Variants in SRGAP3 observed in about 807,000 individuals in gnomAD.
SRGAP3 encodes SLIT-ROBO Rho GTPase-activating protein 3.
Under a neutral mutation model 121.1 loss-of-function variants are expected in SRGAP3, and 39 were observed. The ratio of observed to expected loss-of-function variants is 0.32; its 90% CI spans 0.25 to 0.42. The LOEUF (loss-of-function observed/expected upper bound fraction) is 0.42. Among genes scored for constraint, SRGAP3 ranks in the 10% least tolerant of loss-of-function variants. SRGAP3 has a pLI of 1.00. For synonymous variants in SRGAP3, 601 were observed against 570.0 expected (o/e 1.05, Z -0.77); for missense variants, 1,213 against 1,470.6 (o/e 0.82, Z 2.86).
chr3:9,317,333 C>T (rs1432852445), intron 3 of SRGAP3, among the ~76,000 whole-genome samples: 5 of 152,200 alleles, frequency 3.3e-5, no homozygotes, highest in African/African-American at 4.8e-5. Flanking sequence ...GCTACAAAAT[C>T]GTTCCCTGTG....
Position 9,271,445 on chromosome 3 carries a change from C to G in SRGAP3, n.442+54565G>C, listed in dbSNP as rs556388951. 7.9e-5 allele frequency among the ~76,000 whole-genome samples: 12 copies of G among 152,358 alleles called. No homozygotes were observed. The East Asian group carries it at 1.5e-3, about 20-fold the overall frequency. On this transcript the variant is annotated intron_variant and non_coding_transcript_variant, in intron 3 of 3. Transcript: ENST00000490889. ...CTCACCCCAGATCATTCTCCCTCCC[C>G]AGGACAGCCTATGTCCGAGACCATG...
At chr3:9,108,703 G>C (rs1022545297) in intron 2 of SRGAP3, among the ~76,000 whole-genome samples, 4 of 152,160 alleles carry the variant, frequency 2.6e-5, no homozygotes, top group South Asian at 4.2e-4. Flanking sequence ...CATGTGTTTT[G>C]GCATGATCAT....
chr3:9,260,875 C>A (rs531461946), intron 3 of SRGAP3, among the ~76,000 whole-genome samples: 1 of 152,200 alleles, frequency 6.6e-6, no homozygotes, highest in Non-Finnish European at 1.5e-5. Context: ...CATCCTCAAG[C>A]GGATCCCTGA....
Position 9,263,470 on chromosome 3 carries a change from G to C in SRGAP3, n.442+62540C>G, listed in dbSNP as rs563367513. Among the ~76,000 whole-genome samples the C allele has an allele frequency of 1.4e-4, 21 of 152,172 alleles. No individual in the cohort carries two copies. In the South Asian group the frequency reaches 3.9e-3, roughly 29 times the overall value. ...AAAAAATTAACAAAATAGATAGACT[G>C]CTAGCCAGGCTAATAAACAAGAAAA... On this transcript the variant is annotated intron_variant and non_coding_transcript_variant, in intron 3 of 3. Coordinates refer to the SRGAP3 transcript ENST00000490889.
intron 1 of SRGAP3, among the ~76,000 whole-genome samples, chr3:9,170,147 T>C (rs1301666978): frequency 6.6e-6 from 1 of 152,164 alleles, no homozygotes; most frequent in Non-Finnish European, 1.5e-5. Flanking sequence ...GTTTAGACAG[T>C]GCTGGTGTGT....
At chr3:9,154,659 G>A (rs995498887) in intron 1 of SRGAP3, among the ~76,000 whole-genome samples, 14 of 152,206 alleles carry the variant, frequency 9.2e-5, no homozygotes, top group African/African-American at 2.7e-4. Flanking sequence ...TGCGGGCTGA[G>A]CGGCCAACTG....
At chr3:9,174,547 C>T (rs567205845) in intron 1 of SRGAP3, among the ~76,000 whole-genome samples, 8 of 152,268 alleles carry the variant, frequency 5.3e-5, no homozygotes, top group Admixed American at 6.5e-5. Flanking sequence ...TAGTAAGCAC[C>T]GACTTCATGG....
At chr3:9,306,114 G>A (rs1053402348) in intron 3 of SRGAP3, among the ~76,000 whole-genome samples, 40 of 152,292 alleles carry the variant, frequency 2.6e-4, no homozygotes, top group Non-Finnish European at 2.6e-4. Context: ...TCCAAATGGC[G>A]TGAGATGGCA....
chr3:9,317,087 C>G (rs1313288837), intron 3 of SRGAP3, among the ~76,000 whole-genome samples: 2 of 152,020 alleles, frequency 1.3e-5, no homozygotes, highest in African/African-American at 2.4e-5. Context: ...TGAAAGCAGT[C>G]GAGGAAAAAG....
upstream of SRGAP3, among the ~76,000 whole-genome samples, chr3:9,252,299 CTT>C (rs967230855): frequency 6.6e-6 from 1 of 150,652 alleles, no homozygotes; most frequent in African/African-American, 2.4e-5. Flanking sequence ...CCAAATAAAA[CTT>C]TTTTTTTTCT....
intron 11 of SRGAP3, among the ~76,000 whole-genome samples, chr3:9,033,069 C>T (rs541868424): frequency 6.6e-6 from 1 of 152,240 alleles, no homozygotes; most frequent in East Asian, 1.9e-4. Flanking sequence ...CAAAGCTGAC[C>T]AGATGGAGGG....
At chr3:9,087,025 C>T (rs2670010) in intron 3 of SRGAP3, among the ~76,000 whole-genome samples, 62,230 of 150,614 alleles carry the variant, frequency 0.41, 13,018 homozygotes, top group Non-Finnish European at 0.45. Context: ...TATACATATA[C>T]GTATATTATG....
chr3:9,202,578 A>G (rs1221729913), intron 1 of SRGAP3, among the ~76,000 whole-genome samples: 4 of 152,352 alleles, frequency 2.6e-5, no homozygotes, highest in Middle Eastern at 3.4e-3. Flanking sequence ...CTGCCAAGGC[A>G]CAGACCTCCA....
chr3:9,333,977 A>C (rs1647703944), intron 1 of SRGAP3, among the ~76,000 whole-genome samples: 1 of 152,020 alleles, frequency 6.6e-6, no homozygotes, highest in Admixed American at 6.6e-5. Context: ...TCACCTCATA[A>C]ACACCCCTTT....
intron 1 of SRGAP3, among the ~76,000 whole-genome samples, chr3:9,234,600 T>C (rs372133391): frequency 4.6e-5 from 7 of 152,174 alleles, no homozygotes; most frequent in Non-Finnish European, 8.8e-5. Flanking sequence ...GCGAGAACTC[T>C]ACCCGCCTAC....
intron 5 of SRGAP3, 137 bp from the exon 6 acceptor site, chr3:9,060,496 A>C (rs1946102722): frequency 5.1e-6 from 6 of 1,169,080 alleles, no homozygotes; most frequent in Non-Finnish European, 7.2e-6. Flanking sequence ...GTGTGATCAT[A>C]GCTCACTTCA....
intron 3 of SRGAP3, among the ~76,000 whole-genome samples, chr3:9,271,024 C>G (rs1463114309): frequency 1.3e-5 from 2 of 152,188 alleles, no homozygotes; most frequent in African/African-American, 2.4e-5. Context: ...GGCTCACACT[C>G]CCTCAAATGC....
intron 3 of SRGAP3, among the ~76,000 whole-genome samples, chr3:9,303,529 C>G (rs1228066695): frequency 6.6e-6 from 1 of 152,060 alleles, no homozygotes; most frequent in African/African-American, 2.4e-5. Context: ...ATATAGAGAT[C>G]TCTAAAACTT....
chr3:9,292,699 T>C (rs1954889745), intron 3 of SRGAP3: 1 of 152,158 alleles, frequency 6.6e-6, no homozygotes, highest in Admixed American at 6.6e-5. Context: ...AGAAACCTGA[T>C]GTTTTCTTTT....
Sources: gnomAD v4.1 joint callset for allele counts (sites outside exome capture counted in the v4.1 genomes callset) on GRCh38, gnomAD v4.1.1 for gene constraint, MANE v1.5 for transcripts, NCBI Gene and HGNC (gene_info 2026-07-23, HGNC 2026-07-21) for gene names.